Variants in SLC39A11 observed in about 807,000 individuals in gnomAD.
The protein encoded by SLC39A11 is zinc transporter ZIP11.
A neutral mutation model predicts 36.1 loss-of-function variants in SLC39A11; 33 were observed. The ratio of observed to expected loss-of-function variants is 0.91; its 90% CI spans 0.69 to 1.22. The LOEUF is 1.22. Ranked by LOEUF, SLC39A11 falls within the 50% of genes most tolerant of loss-of-function variation. SLC39A11 has a pLI of 0.00. For synonymous variants in SLC39A11, 166 were observed against 170.3 expected (o/e 0.97, Z 0.20); for missense variants, 432 against 430.3 (o/e 1.00, Z -0.03).
At chr17:72,662,269 TAGAAAGAAAAGAAAGGA>T (rs2070460126) in intron 7 of SLC39A11, among the ~76,000 whole-genome samples, 1 of 146,292 alleles carries the variant, frequency 6.8e-6, no homozygotes, top group Non-Finnish European at 1.5e-5. Flanking sequence ...GGCCTTTTTT[TAGAAAGAAAAGAAAGGA>T]AGAAAGAAAA....
intron 6 of SLC39A11, among the ~76,000 whole-genome samples, chr17:72,845,797 A>G (rs190708944): frequency 6.6e-6 from 1 of 152,320 alleles, no homozygotes; most frequent in Non-Finnish European, 1.5e-5. Context: ...CATCCAGTCA[A>G]GCCAGCTGTC....
intron 7 of SLC39A11, among the ~76,000 whole-genome samples, chr17:72,661,725 C>G (rs761750590): frequency 6.6e-6 from 1 of 152,130 alleles, no homozygotes; most frequent in Non-Finnish European, 1.5e-5. Context: ...GCTTAGCACG[C>G]AAGGGATCTT....
chr17:72,829,678 C>T (rs1178286939), intron 6 of SLC39A11, among the ~76,000 whole-genome samples: 3 of 152,212 alleles, frequency 2.0e-5, no homozygotes. Context: ...TCTCTTCCCC[C>T]TTTCCATCTG....
chr17:72,736,739 A>G lies in SLC39A11; in HGVS notation c.602-20T>C, dbSNP rs2074445784. 6.2e-7 allele frequency: 1 copy of G among 1,600,458 alleles called. No individual in the cohort carries two copies. Among genetic ancestry groups the G allele is most frequent in the African/African-American group, 1.3e-5 (1 of 74,620 alleles). Reference sequence around the variant, plus strand: ...GACCCTCTGAAATAGATGTAAGAAAAGCAAGAGGGGTTAGGAATATTTCCC... The same window carrying G: ...GACCCTCTGAAATAGATGTAAGAAAGGCAAGAGGGGTTAGGAATATTTCCC... On this transcript the variant is annotated intron_variant, in intron 6 of 9. Transcript: ENST00000255559.
chr17:72,884,602 A>T (rs1226610151), intron 5 of SLC39A11, among the ~76,000 whole-genome samples: 1 of 152,226 alleles, frequency 6.6e-6, no homozygotes, highest in Non-Finnish European at 1.5e-5. Context: ...CATGTTCAGT[A>T]TCTTAAGGAC....
At chr17:72,679,728 C>T (rs185994127) in intron 7 of SLC39A11, among the ~76,000 whole-genome samples, 4 of 152,066 alleles carry the variant, frequency 2.6e-5, no homozygotes, top group Admixed American at 6.6e-5. Context: ...TTAGAGGACA[C>T]GTTAAGGATT....
rs533229863 is a variant in SLC39A11, at chr17:72,977,063, T to C, written c.307-29188A>G. Reference sequence around the variant, plus strand: ...GTCACAGCTTGCGTTAGGATAAGATTACCCGGTTGGGCCTGACCTAGTCCC... The same window carrying C: ...GTCACAGCTTGCGTTAGGATAAGATCACCCGGTTGGGCCTGACCTAGTCCC... On this transcript the variant is annotated intron_variant, in intron 4 of 9. Transcript: ENST00000255559. Among the ~76,000 whole-genome samples the C allele has an allele frequency of 9.9e-5, 15 of 152,214 alleles. No homozygotes were observed. The East Asian group carries it at 2.9e-3, about 30-fold the overall frequency.
intron 6 of SLC39A11, among the ~76,000 whole-genome samples, chr17:72,737,737 A>G (rs1004174598): frequency 2.6e-5 from 4 of 152,166 alleles, no homozygotes; most frequent in Admixed American, 2.0e-4. Flanking sequence ...TCTGGAAGGA[A>G]CATCTTTCCC....
intron 6 of SLC39A11, among the ~76,000 whole-genome samples, chr17:72,786,737 G>C (rs1204851310): frequency 2.6e-5 from 4 of 152,286 alleles, no homozygotes; most frequent in Admixed American, 2.0e-4. Context: ...TTCTTGTACT[G>C]TCCTGGGGGC....
rs962569219 is a variant in SLC39A11, at chr17:72,646,148, G to A, written c.*1436C>T. 4 of 152,652 alleles carry A rather than the reference G, an allele frequency of 2.6e-5. No individual in the cohort carries two copies. Among genetic ancestry groups the A allele is most frequent in the East Asian group, 1.9e-4 (1 of 5,206 alleles). 9.5% of individuals were successfully genotyped at this position (152,652 alleles called of 1,614,324 possible). ...TTGATCATCAGTGCTTCGGAAGAAC[G>A]TACATAGACCCAGCCCAAGGTTGGC... On this transcript the variant is annotated 3_prime_UTR_variant, in exon 10 of 10. Transcript: ENST00000255559.
intron 4 of SLC39A11, among the ~76,000 whole-genome samples, chr17:72,957,361 A>G (rs2147872070): frequency 6.6e-6 from 1 of 152,320 alleles, no homozygotes; most frequent in African/African-American, 2.4e-5. Flanking sequence ...TGTTGTGTGT[A>G]ATATGAGGAA....
chr17:72,938,672 G>T (rs139986462), intron 5 of SLC39A11, among the ~76,000 whole-genome samples: 2 of 152,130 alleles, frequency 1.3e-5, no homozygotes, highest in Non-Finnish European at 2.9e-5. Context: ...TTAAATCTTC[G>T]ACAAATAAAA....
chr17:72,724,826 G>A (rs542593142), intron 7 of SLC39A11, among the ~76,000 whole-genome samples: 1 of 151,970 alleles, frequency 6.6e-6, no homozygotes, highest in Non-Finnish European at 1.5e-5. Flanking sequence ...ATACTTAAGA[G>A]GCAAGATGAT....
intron 6 of SLC39A11, among the ~76,000 whole-genome samples, chr17:72,786,271 G>A (rs2076512478): frequency 6.6e-6 from 1 of 152,182 alleles, no homozygotes; most frequent in South Asian, 2.1e-4. Flanking sequence ...ATAGTTGATG[G>A]AAAGTTCTAT....
At chr17:72,977,836 C>T (rs975350585) in intron 4 of SLC39A11, among the ~76,000 whole-genome samples, 2 of 152,132 alleles carry the variant, frequency 1.3e-5, no homozygotes, top group Admixed American at 6.5e-5. Context: ...AGTAAAGTAC[C>T]GAGGTGGCCT....
chr17:72,812,298 G>C (rs2077457730), intron 6 of SLC39A11, among the ~76,000 whole-genome samples: 1 of 152,196 alleles, frequency 6.6e-6, no homozygotes, highest in East Asian at 1.9e-4. Context: ...TTTCTCCCAG[G>C]GTCAGCTTTA....
chr17:72,834,428 C>A lies in SLC39A11; in HGVS notation c.601+15206G>T, dbSNP rs2078427313. 2.6e-5 allele frequency among the ~76,000 whole-genome samples: 4 copies of A among 152,250 alleles called. No homozygotes were observed. In the South Asian group the frequency reaches 8.3e-4, roughly 32 times the overall value. On this transcript the variant is annotated intron_variant, in intron 6 of 9. Transcript: ENST00000255559. ...CCTGAGGTCATGAGTTTGAGACCAG[C>A]CTGGCCAATATGGTGAAACCCCATC...
At chr17:72,674,986 ATGTG>A (rs10684358) in intron 7 of SLC39A11, among the ~76,000 whole-genome samples, 6 of 150,318 alleles carry the variant, frequency 4.0e-5, no homozygotes, top group African/African-American at 1.5e-4. Context: ...GTGTGTGCGT[ATGTG>A]TGTGTGTGTG....
chr17:72,794,545 C>G (rs1387254041), intron 6 of SLC39A11, among the ~76,000 whole-genome samples: 2 of 151,988 alleles, frequency 1.3e-5, no homozygotes, highest in Admixed American at 1.3e-4. Context: ...CTGCCTATAT[C>G]CCCAGCTGTG....
Sources: allele counts gnomAD v4.1 joint callset (sites outside exome capture counted in the v4.1 genomes callset), GRCh38; gene constraint gnomAD v4.1.1; transcripts MANE v1.5; gene names NCBI Gene and HGNC (gene_info 2026-07-23, HGNC 2026-07-21).